Variants in SMAD1 observed in about 807,000 individuals in gnomAD.
The protein encoded by SMAD1 is SMAD family member 1, also known as MAD, mothers against decapentaplegic homolog 1.
Under a neutral mutation model 41.6 loss-of-function variants are expected in SMAD1, and 6 were observed. The ratio of observed to expected loss-of-function variants is 0.14; its 90% CI spans 0.08 to 0.28. The LOEUF (loss-of-function observed/expected upper bound fraction) is 0.28. SMAD1 is among the 10% of genes least tolerant of loss of function. SMAD1 has a pLI of 1.00. For missense variants in SMAD1, 379 were observed against 582.6 expected, an observed-to-expected ratio of 0.65 and a Z score of 3.60; for synonymous variants, 206 against 203.2, an observed-to-expected ratio of 1.01 and a Z score of -0.12.
intron 2 of SMAD1, among the ~76,000 whole-genome samples, chr4:145,520,262 C>G (rs549418020): frequency 1.6e-4 from 24 of 152,322 alleles, no homozygotes; most frequent in African/African-American, 5.8e-4. Flanking sequence ...GATGTCTGCA[C>G]TACTAAGTTC....
rs1711590935 is a variant in SMAD1 at position 145,514,559 on chromosome 4, A to C, written c.-55A>C. ...CAAATCTCTTCTGCTGTCCTTTTGC[A>C]TTTGGAGACAGCTTTATTTCACCAT... On this transcript the variant is annotated 5_prime_UTR_variant, in exon 2 of 7. Transcript: ENST00000302085. This position sits in a 1 kb window ranked among gnomAD's most constrained non-coding sequence, Gnocchi z 4.7. 6.8e-7 allele frequency: 1 copy of C among 1,466,786 alleles called. No homozygotes were observed. The highest frequency in any genetic ancestry group is 2.2e-5 in the Admixed American group (1 of 44,638). 90.9% of individuals were successfully genotyped at this position (1,466,786 alleles called of 1,614,324 possible).
At chr4:145,509,328 A>G (rs1419539911) in intron 1 of SMAD1, among the ~76,000 whole-genome samples, 2 of 152,206 alleles carry the variant, frequency 1.3e-5, no homozygotes, top group African/African-American at 4.8e-5. Flanking sequence ...TGTGTCTAGC[A>G]CTGTGCTAGG....
intron 2 of SMAD1, among the ~76,000 whole-genome samples, chr4:145,515,217 A>G (rs1473137016): frequency 6.6e-6 from 1 of 151,370 alleles, no homozygotes; most frequent in African/African-American, 2.4e-5. Context: ...AGTGTTTCAT[A>G]CATTTTAACA....
At chr4:145,537,680 A>C (rs777979157) in intron 2 of SMAD1, among the ~76,000 whole-genome samples, 4 of 152,154 alleles carry the variant, frequency 2.6e-5, no homozygotes, top group Non-Finnish European at 5.9e-5. Context: ...GCATTGGATG[A>C]GTCTCACATT....
Position 145,514,474 on chromosome 4 carries a change from G to T in SMAD1, c.-140G>T. ...GTTACTTTTTTAAACACTAGGAATG[G>T]TAATTTCTACTCTTCTGGACTTCAA... On this transcript the variant is annotated 5_prime_UTR_variant, in exon 2 of 7. Transcript: ENST00000302085. The surrounding 1 kb of genome is among the most constrained non-coding windows in gnomAD (Gnocchi z 4.7). 1.3e-6 allele frequency: 1 copy of T among 765,680 alleles called. No homozygotes were observed. The highest frequency in any genetic ancestry group is 2.0e-6 in the Non-Finnish European group (1 of 496,240). The allele number at this position is 765,680 out of a possible 1,614,324, so 47.4% of individuals were successfully genotyped here. A position where few individuals can be genotyped will look rare whatever the true frequency, so the allele number is the denominator to read the frequency against.
rs773571910 is a variant in SMAD1, at chr4:145,553,893, T to C, written c.1107T>C (p.Thr369=). The C allele has an allele frequency of 1.9e-6, 3 of 1,614,094 alleles. No individual in the cohort carries two copies. Among genetic ancestry groups the C allele is most frequent in the African/African-American group, 1.3e-5 (1 of 74,940 alleles). ...ACTACCATCATGGATTTCATCCTAC[T>C]ACTGTTTGCAAGATCCCTAGTGGGT... The part of the protein sequence containing the change: ...NCNYHHGFHP[T]TVCKIPSGCS... The change falls in exon 6 of 7, where the codon ACT becomes ACC. Residue 369 remains threonine (T), a synonymous_variant. Coordinates refer to ENST00000302085, the MANE Select transcript of SMAD1 (RefSeq NM_005900.3).
At chr4:145,547,046 T>G (rs1193878193) in intron 5 of SMAD1, 122 bp downstream of exon 5, 37 of 770,284 alleles carry the variant, frequency 4.8e-5, no homozygotes, top group Non-Finnish European at 2.2e-5. Context: ...GTTCACTTGC[T>G]GCAGTTTGTA....
At chr4:145,550,462 G>A (rs1309593112) in intron 5 of SMAD1, among the ~76,000 whole-genome samples, 1 of 152,136 alleles carries the variant, frequency 6.6e-6, no homozygotes, top group Non-Finnish European at 1.5e-5. Context: ...GCAATGAGCT[G>A]AGATCAAGCC....
rs574675557 is a variant in SMAD1 at position 145,505,864 on chromosome 4, A to G, written c.-176-8574A>G. Among the ~76,000 whole-genome samples the G allele has an allele frequency of 5.4e-5, 8 of 149,216 alleles. No homozygotes were observed. The East Asian group carries it at 1.4e-3, about 26-fold the overall frequency. ...AGGTCAAACAATTTTTTTTTTTTTG[A>G]GGCGGAGTCTCAATCTGTCACCCAG... On this transcript the variant is annotated intron_variant, in intron 1 of 6. Transcript: ENST00000302085.
intron 1 of SMAD1, among the ~76,000 whole-genome samples, chr4:145,506,860 A>G (rs1286736766): frequency 6.6e-6 from 1 of 152,180 alleles, no homozygotes; most frequent in Non-Finnish European, 1.5e-5. Flanking sequence ...CTTCCTTTAA[A>G]TATAAAGCAA....
chr4:145,526,605 T>A (rs1351572182), intron 2 of SMAD1, among the ~76,000 whole-genome samples: 1 of 151,268 alleles, frequency 6.6e-6, no homozygotes. Flanking sequence ...GACAATTTGA[T>A]CAACGGAATA....
At chr4:145,555,821 C>G (rs1039512726) in intron 6 of SMAD1, among the ~76,000 whole-genome samples, 11 of 152,176 alleles carry the variant, frequency 7.2e-5, no homozygotes, top group Admixed American at 2.0e-4. Flanking sequence ...CATCAAGATC[C>G]TTATGCCCTA....
chr4:145,493,749 A>T (rs912960323), intron 1 of SMAD1, among the ~76,000 whole-genome samples: 3 of 152,186 alleles, frequency 2.0e-5, no homozygotes, highest in Non-Finnish European at 2.9e-5. Flanking sequence ...CAAGTATTTC[A>T]TGCATTCCTG....
Position 145,514,914 on chromosome 4 carries a change from C to A in SMAD1, c.301C>A (p.His101Asn), listed in dbSNP as rs1444311642. The A allele has an allele frequency of 1.2e-6, 2 of 1,613,910 alleles. No homozygotes were observed. Among genetic ancestry groups the A allele is most frequent in the Non-Finnish European group, 1.7e-6 (2 of 1,179,990 alleles). Residue 101 changes from histidine to asparagine, a missense_variant, in exon 2 of 7, where the codon CAT (histidine) becomes AAT (asparagine). Physicochemically the swap from His to Asn is moderately conservative, Grantham distance 68. Around this residue, in one of 3 missense-constraint regions of SMAD1, gnomAD observed 64 missense variants for 153.9 expected, o/e 0.42. Coordinates refer to ENST00000302085, the MANE Select transcript of SMAD1 (RefSeq NM_005900.3). This position sits in a 1 kb window ranked among gnomAD's most constrained non-coding sequence, Gnocchi z 4.7. ...GCGCTGGCCCGATCTTCAGAGCCAC[C>A]ATGAACTAAAACCACTGGAATGCTG... ...VWRWPDLQSH[H>N]ELKPLECCEF...
At chr4:145,534,963 A>G (rs1413875917) in intron 2 of SMAD1, among the ~76,000 whole-genome samples, 1 of 152,208 alleles carries the variant, frequency 6.6e-6, no homozygotes, top group Non-Finnish European at 1.5e-5. Context: ...ATGGTAAAAT[A>G]TCCACAACAT....
chr4:145,497,904 A>G (rs1729182779), intron 1 of SMAD1: 1 of 152,206 alleles, frequency 6.6e-6, no homozygotes, highest in African/African-American at 2.4e-5. Context: ...TTCTCCTCCA[A>G]GGTGGCCAAA....
chr4:145,508,922 C>T (rs1218312836), intron 1 of SMAD1, among the ~76,000 whole-genome samples: 3 of 152,276 alleles, frequency 2.0e-5, no homozygotes, highest in East Asian at 3.9e-4. Context: ...ACCTAATCAC[C>T]TCCCAAAGGA....
chr4:145,527,173 C>G (rs1251492504), intron 2 of SMAD1, among the ~76,000 whole-genome samples: 5 of 151,666 alleles, frequency 3.3e-5, no homozygotes, highest in African/African-American at 4.8e-5. Flanking sequence ...ACTTTTTATG[C>G]TTTCTGTGTG....
intron 4 of SMAD1, 68 bp downstream of exon 4, chr4:145,542,766 C>T: frequency 9.4e-7 from 1 of 1,060,616 alleles, no homozygotes; most frequent in Admixed American, 2.2e-5. Flanking sequence ...CTTTCTCTCA[C>T]AAATTTTTAT....
Sources: allele counts gnomAD v4.1 joint callset (sites outside exome capture counted in the v4.1 genomes callset), GRCh38; gene constraint gnomAD v4.1.1; regional missense constraint gnomAD v4.1.1; non-coding constraint Gnocchi (gnomAD v3.1); transcripts MANE v1.5; gene names NCBI Gene and HGNC (gene_info 2026-07-23, HGNC 2026-07-21).